PLA2G7: variants seen among roughly 807,000 people sequenced by gnomAD.
PLA2G7 encodes platelet-activating factor acetylhydrolase.
Under a neutral mutation model 49.6 loss-of-function variants are expected in PLA2G7, and 63 were observed. That is an observed-to-expected ratio of 1.27 (90% CI 1.04 to 1.57). The LOEUF is 1.57. Among genes scored for constraint, PLA2G7 ranks in the 40% most tolerant of loss-of-function variants. The pLI is 0.00. For missense variants in PLA2G7, 596 were observed against 521.2 expected (o/e 1.14, Z -1.40); for synonymous variants, 193 against 169.9 (o/e 1.14, Z -1.06).
At chr6:46,715,900 G>T (rs1765182921) in intron 4 of PLA2G7, among the ~76,000 whole-genome samples, 1 of 152,214 alleles carries the variant, frequency 6.6e-6, no homozygotes, top group Admixed American at 6.5e-5. Flanking sequence ...ACATCAGATT[G>T]TCTTAGCGAT....
At chr6:46,707,856 T>A (rs1764878725) in intron 10 of PLA2G7, 135 bp downstream of exon 10, 2 of 620,032 alleles carry the variant, frequency 3.2e-6, no homozygotes, top group Non-Finnish European at 5.7e-6. Context: ...GAAACTGAGA[T>A]TATCTAATTC....
At chr6:46,709,278 T>C (rs986660624) in intron 9 of PLA2G7, 49 bp downstream of exon 9, 2 of 1,035,982 alleles carry the variant, frequency 1.9e-6, no homozygotes, top group Non-Finnish European at 3.0e-6. Context: ...ACAATATAAT[T>C]TCTTCCAATA....
rs904290970 is a variant in PLA2G7 at position 46,712,311 on chromosome 6, T to A, written c.497A>T (p.Asp166Val). 1 of 1,612,300 alleles carries A rather than the reference T, an allele frequency of 6.2e-7. No homozygotes were observed. Among genetic ancestry groups the A allele is most frequent in the African/African-American group, 1.3e-5 (1 of 74,832 alleles). ...FRTLYSAIGIDLASHGFIVAA... is the reference protein window; with the variant it reads ...FRTLYSAIGIVLASHGFIVAA... ...AACTATAAACCCATGAGATGCCAGG[T>A]CAATGCCAATAGCAGAATAAAGTGT... Residue 166 changes from aspartate to valine, a missense_variant, in exon 6 of 12, where the codon GAC becomes GTC. Asp to Val is a radical substitution (Grantham distance 152). Transcript: ENST00000274793.
intron 1 of PLA2G7, among the ~76,000 whole-genome samples, chr6:46,732,144 A>G (rs1473171926): frequency 1.3e-5 from 2 of 152,040 alleles, no homozygotes; most frequent in African/African-American, 4.8e-5. Context: ...TCACTCCTCC[A>G]ACTCTCCTTC....
intron 2 of PLA2G7, among the ~76,000 whole-genome samples, chr6:46,721,488 T>A (rs1220050721): frequency 6.6e-6 from 1 of 152,034 alleles, no homozygotes; most frequent in African/African-American, 2.4e-5. Context: ...AAAGGGATTT[T>A]AAAAATGTTT....
In PLA2G7 at chr6:46,704,965, T is replaced by C. The variant is rs532896750; in HGVS notation, c.1189+188A>G. ...ATTACCTTTAACAGTTGGATTTGCTTTCTATGATATAGAGGATGTAAAGCA... is the reference window on the plus strand; with the variant it reads ...ATTACCTTTAACAGTTGGATTTGCTCTCTATGATATAGAGGATGTAAAGCA... On this transcript the variant is annotated intron_variant, in intron 11 of 11. Coordinates refer to ENST00000274793, the MANE Select transcript of PLA2G7 (RefSeq NM_005084.4). Among the ~76,000 whole-genome samples the C allele has an allele frequency of 3.3e-5, 5 of 152,330 alleles. No individual in the cohort carries two copies. The East Asian group carries it at 9.6e-4, about 29-fold the overall frequency.
In PLA2G7 at chr6:46,716,452, T is replaced by C; in HGVS notation, c.308A>G (p.Tyr103Cys). 1.2e-6 allele frequency: 2 copies of C among 1,613,716 alleles called. No individual in the cohort carries two copies. The highest frequency in any genetic ancestry group is 1.7e-6 in the Non-Finnish European group (2 of 1,179,610). ...AAGAAATTTGCTAAGACCCCAAAAA[T>C]ATTCTTTATTTGGGATCCAAAGGGT... is the stretch of plus-strand genomic sequence containing the variant. ...LDTLWIPNKE[Y>C]FWGLSKFLGT... Residue 103 changes from tyrosine (Y) to cysteine (C), a missense_variant, in exon 4 of 12, where the codon TAT (tyrosine) becomes TGT (cysteine). Tyr to Cys is a radical substitution (Grantham distance 194). Coordinates refer to ENST00000274793, the MANE Select transcript of PLA2G7 (RefSeq NM_005084.4).
At chr6:46,711,452 A>G (rs767667182) in intron 7 of PLA2G7, 44 bp downstream of exon 7, 2 of 1,608,494 alleles carry the variant, frequency 1.2e-6, no homozygotes, top group Non-Finnish European at 1.7e-6. Context: ...CCTTTTGTAC[A>G]TGCTTTTAGG....
intron 10 of PLA2G7, 62 bp from the exon 11 acceptor site, chr6:46,705,363 A>T: frequency 7.2e-7 from 1 of 1,380,328 alleles, no homozygotes; most frequent in South Asian, 1.2e-5. Context: ...TTTTTTAGTT[A>T]GAGTGTAAGA....
intron 3 of PLA2G7, 41 bp from the exon 4 acceptor site, chr6:46,716,569 T>A: frequency 6.2e-7 from 1 of 1,600,282 alleles, no homozygotes; most frequent in Non-Finnish European, 8.6e-7. Flanking sequence ...AGAAGTTGTG[T>A]CTCAAACATA....
intron 2 of PLA2G7, among the ~76,000 whole-genome samples, chr6:46,722,526 G>A (rs977974564): frequency 7.2e-5 from 11 of 152,124 alleles, no homozygotes; most frequent in African/African-American, 2.4e-4. Flanking sequence ...ATTGCAAGCT[G>A]AGCGTCCAGT....
At position 46,709,720 on chromosome 6, in the gene PLA2G7, C is replaced by A. The variant is rs539060161; in HGVS notation, c.778-302G>T. Among the ~76,000 whole-genome samples, 29 of 152,322 alleles carry A rather than the reference C, an allele frequency of 1.9e-4. No individual in the cohort carries two copies. In the South Asian group the frequency reaches 2.5e-3, roughly 13 times the overall value. On this transcript the variant is annotated intron_variant, in intron 8 of 11. Transcript: ENST00000274793. ...ATCAGTTCTGACTTCTGCCTCTCCT[C>A]ACCCCATGTTTATTTGTTTGTTCAT... is the stretch of plus-strand genomic sequence containing the variant.
chr6:46,712,153 T>C, intron 6 of PLA2G7, 116 bp downstream of exon 6: 1 of 730,226 alleles, frequency 1.4e-6, no homozygotes, highest in Non-Finnish European at 2.5e-6. Context: ...GATGTTACCA[T>C]ACTTGAAAGT....
upstream of PLA2G7, chr6:46,735,515 G>T (rs1422617729): frequency 6.6e-6 from 1 of 152,344 alleles, no homozygotes; most frequent in Non-Finnish European, 1.5e-5. Flanking sequence ...CTGCTCGAGC[G>T]CACCCAGCAC....
At chr6:46,722,741 A>G in intron 2 of PLA2G7, 42 bp downstream of exon 2, 1 of 1,187,314 alleles carries the variant, frequency 8.4e-7, no homozygotes, top group Non-Finnish European at 1.3e-6. Context: ...AAGTATGGCG[A>G]CAGATCAGTT....
chr6:46,722,682 A>G lies in PLA2G7; in HGVS notation c.109+101T>C, dbSNP rs1413339708. ...ATACAGGATCTCCATAAGCCTTTAA[A>G]TAGGACTTGTTTAGATGTGCAGATG... is the stretch of plus-strand genomic sequence containing the variant. On this transcript the variant is annotated intron_variant, in intron 2 of 11. Coordinates refer to ENST00000274793, the MANE Select transcript of PLA2G7 (RefSeq NM_005084.4). The G allele has an allele frequency of 5.4e-6, 4 of 743,310 alleles. No homozygotes were observed. The East Asian group carries it at 1.1e-4, about 20-fold the overall frequency. The allele number at this position is 743,310 out of a possible 1,614,324, so 46.0% of individuals were successfully genotyped here. A position where few individuals can be genotyped will look rare whatever the true frequency, so the allele number is the denominator to read the frequency against.
chr6:46,709,280 C>A (rs1186147190), intron 9 of PLA2G7, 47 bp downstream of exon 9: 1 of 1,045,468 alleles, frequency 9.6e-7, no homozygotes, highest in Admixed American at 1.7e-5. Context: ...AATATAATTT[C>A]TTCCAATAAT....
chr6:46,730,601 G>T (rs1214282850), intron 1 of PLA2G7, among the ~76,000 whole-genome samples: 1 of 152,154 alleles, frequency 6.6e-6, no homozygotes, highest in Non-Finnish European at 1.5e-5. Flanking sequence ...ACCATCCAAA[G>T]AAGGCAACTA....
intron 2 of PLA2G7, among the ~76,000 whole-genome samples, chr6:46,718,519 C>A (rs1765288899): frequency 6.6e-6 from 1 of 152,198 alleles, no homozygotes; most frequent in African/African-American, 2.4e-5. Context: ...CTTCTTCTTC[C>A]CCTTAAGTTA....
Sources: allele counts gnomAD v4.1 joint callset (sites outside exome capture counted in the v4.1 genomes callset), GRCh38; gene constraint gnomAD v4.1.1; transcripts MANE v1.5; gene names NCBI Gene and HGNC (gene_info 2026-07-23, HGNC 2026-07-21).